Variants in MYOM3 observed in about 807,000 individuals in gnomAD.
The protein encoded by MYOM3 is myomesin-3.
A neutral mutation model predicts 191.7 loss-of-function variants in MYOM3; 155 were observed. The ratio of observed to expected loss-of-function variants is 0.81; its 90% CI spans 0.71 to 0.92. The LOEUF (loss-of-function observed/expected upper bound fraction) is 0.92. Among genes scored for constraint, MYOM3 ranks in the 40% least tolerant of loss-of-function variants. The probability of loss-of-function intolerance (pLI) is 0.00; values close to 1 mark genes in which losing one functional copy is unlikely to be tolerated. For synonymous variants in MYOM3, 757 were observed against 762.9 expected (o/e 0.99, Z 0.13); for missense variants, 1,889 against 1,890.6 (o/e 1.00, Z 0.02).
intron 35 of MYOM3, among the ~76,000 whole-genome samples, chr1:24,060,101 G>C (rs781249642): frequency 2.6e-5 from 4 of 152,172 alleles, no homozygotes; most frequent in Non-Finnish European, 5.9e-5. Flanking sequence ...TCCTGGACGG[G>C]GCTTCTGTTC....
chr1:24,074,114 G>C, intron 23 of MYOM3, 46 bp downstream of exon 23: 1 of 1,479,794 alleles, frequency 6.8e-7, no homozygotes, highest in Non-Finnish European at 9.4e-7. Context: ...TTGTGTTTGG[G>C]ACTCTCTCTC....
chr1:24,099,664 A>G lies in MYOM3; in HGVS notation c.656+16T>C, dbSNP rs1643898054. 6.2e-7 allele frequency: 1 copy of G among 1,600,886 alleles called. No individual in the cohort carries two copies. The highest frequency in any genetic ancestry group is 8.6e-7 in the Non-Finnish European group (1 of 1,168,164). Reference sequence around the variant, plus strand: ...AGGGTCTGGGGTCATAGGTCTCTCCAGGTCTCCAGTCTCACCTCCTAATCT... The same window carrying G: ...AGGGTCTGGGGTCATAGGTCTCTCCGGGTCTCCAGTCTCACCTCCTAATCT... On this transcript the variant is annotated intron_variant, in intron 6 of 36. Coordinates refer to ENST00000374434, the MANE Select transcript of MYOM3 (RefSeq NM_152372.4).
Position 24,067,091 on chromosome 1 carries a change from G to T in MYOM3, c.3356-3C>A. 6.4e-7 allele frequency: 1 copy of T among 1,570,572 alleles called. No individual in the cohort carries two copies. Among genetic ancestry groups the T allele is most frequent in the South Asian group, 1.2e-5 (1 of 85,946 alleles). On this transcript the variant is annotated splice_polypyrimidine_tract_variant and splice_region_variant and intron_variant, in intron 27 of 36. Transcript: ENST00000374434. Reference sequence around the variant, plus strand: ...CAACGGCCGCTCAAAATAGGGACCTGTGCGTGCAAAACAAATGTGCCCACT... The same window carrying T: ...CAACGGCCGCTCAAAATAGGGACCTTTGCGTGCAAAACAAATGTGCCCACT...
chr1:24,106,195 C>G (rs1643982079), intron 4 of MYOM3, 118 bp from the exon 5 acceptor site: 6 of 1,162,090 alleles, frequency 5.2e-6, no homozygotes, highest in Non-Finnish European at 7.1e-6. Context: ...GGCTGGAGTT[C>G]CCGGTCCCCT....
At position 24,066,425 on chromosome 1, in the gene MYOM3, T is replaced by G. The variant is rs946454410; in HGVS notation, c.3424-424A>C. 11 of 589,654 alleles carry G rather than the reference T, an allele frequency of 1.9e-5. No individual in the cohort carries two copies. In the South Asian group the frequency reaches 2.3e-4, roughly 12 times the overall value. The allele number at this position is 589,654 out of a possible 1,614,324, so 36.5% of individuals were successfully genotyped here. On this transcript the variant is annotated intron_variant, in intron 28 of 36. Transcript: ENST00000374434. ...CAGTACCGTGCAGAGTGGCACAAAA[T>G]AGATGCTCTGAGTTTACTGAATGAA...
In MYOM3 at chr1:24,093,093, G is replaced by A. The variant is rs1345505222; in HGVS notation, c.944C>T (p.Ser315Phe). ...GTAGAGGATCTTCCGACGTCTCGAG[G>A]ACCTCAGTAGGCTCCCTGTGGAGGG... ...QWFRDGSLLR[S>F]SRRRKILYTD... Residue 315 changes from serine (S) to phenylalanine (F), a missense_variant, in exon 10 of 37, where the codon TCC (serine) becomes TTC (phenylalanine). Transcript: ENST00000374434. 1 of 1,609,536 alleles carries A rather than the reference G, an allele frequency of 6.2e-7. No homozygotes were observed. Among genetic ancestry groups the A allele is most frequent in the Non-Finnish European group, 8.5e-7 (1 of 1,179,684 alleles).
At chr1:24,068,439 A>G (rs945925218) in intron 25 of MYOM3, 72 bp from the exon 26 acceptor site, 24 of 1,581,104 alleles carry the variant, frequency 1.5e-5, no homozygotes, top group Non-Finnish European at 2.0e-5. Context: ...ATCAGAGTGT[A>G]GTGGGCTTGG....
At position 24,110,980 on chromosome 1, in the gene MYOM3, C is replaced by T. The variant is rs146322656; in HGVS notation, c.-19+1051G>A. ...CTCCCTTCCCCTGGATGCTCTGTTC[C>T]CGATTAGCACAGCAGGCAGGGGCCT... On this transcript the variant is annotated intron_variant, in intron 1 of 36. Transcript: ENST00000374434. Among the ~76,000 whole-genome samples the T allele has an allele frequency of 4.4e-3, 663 of 152,340 alleles. 4 individuals are homozygous for T. The highest frequency in any genetic ancestry group is 0.024 in the Middle Eastern group (7 of 294).
intron 5 of MYOM3, among the ~76,000 whole-genome samples, chr1:24,101,779 C>G (rs939910610): frequency 1.3e-5 from 2 of 152,154 alleles, no homozygotes; most frequent in African/African-American, 4.8e-5. Flanking sequence ...TTCTTAATGT[C>G]CTCTGGTGAT....
In MYOM3 at chr1:24,084,627, G is replaced by C. The variant is rs376487752; in HGVS notation, c.1811C>G (p.Pro604Arg). The part of the protein sequence containing the change: ...ALRGPPATLP[P>R]PAQVQAFRDT... ...TCTGAAAGCTTGAACTTGAGCTGGA[G>C]GAGGGAGGGTAGCTAAAAAATAGAA... is the stretch of plus-strand genomic sequence containing the variant. The change falls in exon 16 of 37, where the codon CCT becomes CGT. Residue 604 changes from proline to arginine, a missense_variant. Transcript: ENST00000374434. The C allele has an allele frequency of 1.1e-5, 17 of 1,611,928 alleles. No homozygotes were observed. Among genetic ancestry groups the C allele is most frequent in the Non-Finnish European group, 1.1e-5 (13 of 1,178,926 alleles).
At chr1:24,082,473 C>A (rs995587521) in intron 17 of MYOM3, 120 bp downstream of exon 17, 1 of 1,339,796 alleles carries the variant, frequency 7.5e-7, no homozygotes, top group Non-Finnish European at 9.9e-7. Flanking sequence ...CTCCAGTTTC[C>A]CTCAGAGGGC....
intron 14 of MYOM3, 32 bp from the exon 15 acceptor site, chr1:24,086,859 C>G (rs916265035): frequency 1.2e-6 from 2 of 1,606,224 alleles, no homozygotes. Context: ...CATTGGCTAA[C>G]TGGTCGCCCA....
chr1:24,111,319 T>C lies in MYOM3; in HGVS notation c.-19+712A>G. ...TCTGCCGAGGAGGCCTCTCCCCTTC[T>C]TCAGGAGGGAAAGAGGAATGCACAG... On this transcript the variant is annotated intron_variant, in intron 1 of 36. Coordinates refer to ENST00000374434, the MANE Select transcript of MYOM3 (RefSeq NM_152372.4). This position sits in a 1 kb window ranked among gnomAD's most constrained non-coding sequence, Gnocchi z 4.7. Among the ~76,000 whole-genome samples the C allele has an allele frequency of 6.6e-6, 1 of 152,166 alleles. No individual in the cohort carries two copies. The highest frequency in any genetic ancestry group is 1.9e-4 in the East Asian group (1 of 5,192).
intron 13 of MYOM3, 48 bp downstream of exon 13, chr1:24,090,016 GT>G (rs1474230761): frequency 4.4e-6 from 7 of 1,581,872 alleles, no homozygotes; most frequent in Non-Finnish European, 6.1e-6. Context: ...ATGTCCCAGA[GT>G]TTTGAGAACT....
At chr1:24,070,378 G>T (rs1643511613) in intron 25 of MYOM3, among the ~76,000 whole-genome samples, 1 of 151,744 alleles carries the variant, frequency 6.6e-6, no homozygotes, top group South Asian at 2.1e-4. Context: ...CTGAGTTCAG[G>T]AGTTTGCAGC....
At chr1:24,101,813 C>A (rs932492154) in intron 5 of MYOM3, among the ~76,000 whole-genome samples, 3 of 152,204 alleles carry the variant, frequency 2.0e-5, no homozygotes, top group African/African-American at 7.2e-5. Context: ...CAAGCGATTG[C>A]CCTGCCCTGG....
chr1:24,068,132 G>A lies in MYOM3; in HGVS notation c.3295+91C>T, dbSNP rs375148540. The A allele has an allele frequency of 5.4e-5, 83 of 1,532,722 alleles. No individual in the cohort carries two copies. The Middle Eastern group carries it at 1.1e-3, about 20-fold the overall frequency. The allele number at this position is 1,532,722 out of a possible 1,614,324, so 94.9% of individuals were successfully genotyped here. A position where few individuals can be genotyped will look rare whatever the true frequency, so the allele number is the denominator to read the frequency against. On this transcript the variant is annotated intron_variant, in intron 26 of 36. Coordinates refer to ENST00000374434, the MANE Select transcript of MYOM3 (RefSeq NM_152372.4). ...TCGAGGGGGCTGTGCTCAGCAGGCTGCAGAGCCGAGGACTCAGGGCTGCAG... is the reference window on the plus strand; with the variant it reads ...TCGAGGGGGCTGTGCTCAGCAGGCTACAGAGCCGAGGACTCAGGGCTGCAG...
intron 5 of MYOM3, among the ~76,000 whole-genome samples, chr1:24,103,802 CCCTGCA>C: frequency 6.6e-6 from 1 of 151,620 alleles, no homozygotes; most frequent in South Asian, 2.1e-4. Flanking sequence ...ATATGCTTCC[CCCTGCA>C]CAGATCTCCC....
chr1:24,089,430 G>C, intron 14 of MYOM3, 108 bp downstream of exon 14: 1 of 1,396,862 alleles, frequency 7.2e-7, no homozygotes, highest in African/African-American at 1.5e-5. Context: ...TTCTGGCCAG[G>C]GGATTCTCTT....
Sources: allele counts gnomAD v4.1 joint callset (sites outside exome capture counted in the v4.1 genomes callset), GRCh38; gene constraint gnomAD v4.1.1; non-coding constraint Gnocchi (gnomAD v3.1); transcripts MANE v1.5; gene names NCBI Gene and HGNC (gene_info 2026-07-23, HGNC 2026-07-21).